The following PLA2G4A variants were observed in gnomAD, a reference collection of about 807,000 sequenced individuals.
PLA2G4A encodes the protein phospholipase A2 group IVA.
PLA2G4A carries 40 observed loss-of-function variants against 81.9 expected under a neutral mutation model. That is an observed-to-expected ratio of 0.49 (90% CI 0.38 to 0.64). PLA2G4A has a LOEUF of 0.64. Ranked by LOEUF, PLA2G4A falls within the 30% of genes least tolerant of loss-of-function variation. The probability of loss-of-function intolerance (pLI) is 0.00; values close to 1 mark genes in which losing one functional copy is unlikely to be tolerated. For missense variants in PLA2G4A, 715 were observed against 905.1 expected (o/e 0.79, Z 2.69); for synonymous variants, 302 against 296.9 (o/e 1.02, Z -0.18).
chr1:186,886,485 A>T (rs1653942333), intron 3 of PLA2G4A, among the ~76,000 whole-genome samples: 1 of 152,166 alleles, frequency 6.6e-6, no homozygotes, highest in South Asian at 2.1e-4. Flanking sequence ...CTCTGTGTGT[A>T]ATTAGCAATG....
chr1:186,884,968 T>C (rs749116324), intron 3 of PLA2G4A, among the ~76,000 whole-genome samples: 3 of 151,586 alleles, frequency 2.0e-5, no homozygotes, highest in Non-Finnish European at 4.4e-5. Context: ...GTTAGCTGCA[T>C]CTAGGTAGGT....
At chr1:186,970,701 CA>C (rs1232551538) in intron 15 of PLA2G4A, among the ~76,000 whole-genome samples, 3 of 151,830 alleles carry the variant, frequency 2.0e-5, no homozygotes, top group Non-Finnish European at 4.4e-5. Flanking sequence ...AACTTTGTTG[CA>C]AATGAGTTGA....
intron 2 of PLA2G4A, among the ~76,000 whole-genome samples, chr1:186,868,904 T>C (rs1054929511): frequency 6.6e-6 from 1 of 151,954 alleles, no homozygotes; most frequent in African/African-American, 2.4e-5. Flanking sequence ...TTAGTAGTTT[T>C]GTTCTCTCTC....
chr1:186,868,169 G>A lies in PLA2G4A; in HGVS notation c.34-2266G>A, dbSNP rs1314654643. 3.3e-5 allele frequency among the ~76,000 whole-genome samples: 5 copies of A among 150,646 alleles called. No individual in the cohort carries two copies. The South Asian group carries it at 1.0e-3, about 32-fold the overall frequency. Reference sequence around the variant, plus strand: ...TGCTTGCTGCAACCACTGCTGCCAGGGTTCAAGCAATTCTCTTGCTTCAGC... The same window carrying A: ...TGCTTGCTGCAACCACTGCTGCCAGAGTTCAAGCAATTCTCTTGCTTCAGC... On this transcript the variant is annotated intron_variant, in intron 2 of 17. Coordinates refer to ENST00000367466, the MANE Select transcript of PLA2G4A (RefSeq NM_024420.3).
At position 186,946,642 on chromosome 1, in the gene PLA2G4A, G is replaced by T. The variant is rs1458521841; in HGVS notation, c.1039G>T (p.Val347Phe). Residue 347 changes from valine to phenylalanine, a missense_variant, in exon 11 of 18, where the codon GTT becomes TTT. Val to Phe is a conservative substitution (Grantham distance 50, BLOSUM62 -1). Transcript: ENST00000367466. ...TGTTTTTAAAATACTTTCAGATTGG[G>T]TTGAATTTAGTCCATACGAAATTGG... ...DVSELMFADW[V>F]EFSPYEIGMA... 2 of 1,609,644 alleles carry T rather than the reference G, an allele frequency of 1.2e-6. No individual in the cohort carries two copies. The highest frequency in any genetic ancestry group is 1.7e-6 in the Non-Finnish European group (2 of 1,176,324).
Position 186,906,969 on chromosome 1 carries a change from C to T in PLA2G4A, c.383C>T (p.Thr128Ile), listed in dbSNP as rs1558423523. The change falls in exon 6 of 18, where the codon ACT becomes ATT. Residue 128 changes from threonine to isoleucine, a missense_variant. Thr to Ile is a moderately conservative substitution (Grantham distance 89). Coordinates refer to ENST00000367466, the MANE Select transcript of PLA2G4A (RefSeq NM_024420.3). Reference protein sequence around the residue: ...KEVPFIFNQVTEMVLEMSLEV... With the variant: ...KEVPFIFNQVIEMVLEMSLEV... The stretch of plus-strand genomic sequence containing the variant: ...GATTAACATGTCTTTTTTTAGGTCA[C>T]TGAAATGGTTCTAGAAATGTCTCTT... The T allele has an allele frequency of 6.7e-7, 1 of 1,500,228 alleles. No homozygotes were observed. The highest frequency in any genetic ancestry group is 9.3e-7 in the Non-Finnish European group (1 of 1,077,406). The allele number at this position is 1,500,228 out of a possible 1,614,324, so 92.9% of individuals were successfully genotyped here.
intron 3 of PLA2G4A, among the ~76,000 whole-genome samples, chr1:186,874,224 G>C (rs2102066326): frequency 6.6e-6 from 1 of 152,120 alleles, no homozygotes; most frequent in East Asian, 1.9e-4. Flanking sequence ...TTGCAGAATG[G>C]CTGCAGTGAG....
At chr1:186,922,122 C>T (rs1436949249) in intron 7 of PLA2G4A, among the ~76,000 whole-genome samples, 1 of 152,108 alleles carries the variant, frequency 6.6e-6, no homozygotes, top group African/African-American at 2.4e-5. Flanking sequence ...TTGTGCCTGA[C>T]CTGTGTTTCC....
chr1:186,870,292 A>G (rs1653210017), intron 2 of PLA2G4A, 143 bp from the exon 3 acceptor site: 1 of 687,194 alleles, frequency 1.5e-6, no homozygotes, highest in East Asian at 2.7e-5. Context: ...AAGAGAGTCA[A>G]AAAAGAAGCA....
In PLA2G4A at chr1:186,940,109, T is replaced by C. The variant is rs1196316513; in HGVS notation, c.1033+15T>C. On this transcript the variant is annotated intron_variant, in intron 10 of 17. Coordinates refer to ENST00000367466, the MANE Select transcript of PLA2G4A (RefSeq NM_024420.3). ...GATGTTTGCAGGTATGCTGTTTCCT[T>C]TCTCAGAACACTTCCTGGAACCTCT... 47 of 1,347,534 alleles carry C rather than the reference T, an allele frequency of 3.5e-5. No homozygotes were observed. Among genetic ancestry groups the C allele is most frequent in the Non-Finnish European group, 4.9e-5 (46 of 936,710 alleles). The allele number at this position is 1,347,534 out of a possible 1,614,324, so 83.5% of individuals were successfully genotyped here. A position where few individuals can be genotyped will look rare whatever the true frequency, so the allele number is the denominator to read the frequency against.
intron 17 of PLA2G4A, among the ~76,000 whole-genome samples, chr1:186,981,491 A>G (rs1657716363): frequency 6.6e-6 from 1 of 152,206 alleles, no homozygotes; most frequent in Non-Finnish European, 1.5e-5. Context: ...TATACACCTC[A>G]TCAAATGTTG....
At chr1:186,887,551 A>G (rs1355558479) in intron 3 of PLA2G4A, among the ~76,000 whole-genome samples, 1 of 152,144 alleles carries the variant, frequency 6.6e-6, no homozygotes, top group Non-Finnish European at 1.5e-5. Flanking sequence ...TTTAGATAAA[A>G]GGATGAGATG....
chr1:186,907,042 T>G, intron 6 of PLA2G4A, 40 bp downstream of exon 6: 2 of 1,050,278 alleles, frequency 1.9e-6, no homozygotes, highest in Non-Finnish European at 3.0e-6. Flanking sequence ...ATATTGTGAG[T>G]GATCCACTAA....
intron 15 of PLA2G4A, 130 bp from the exon 16 acceptor site, chr1:186,977,463 G>C: frequency 1.5e-6 from 1 of 671,230 alleles, no homozygotes; most frequent in South Asian, 1.7e-5. Context: ...GAACAGGGTC[G>C]TGATTCATCC....
At chr1:186,951,968 G>A (rs1015775517) in intron 13 of PLA2G4A, among the ~76,000 whole-genome samples, 16 of 152,246 alleles carry the variant, frequency 1.1e-4, no homozygotes, top group African/African-American at 3.9e-4. Context: ...TGATCATTAA[G>A]CAGGAACCCC....
Position 186,829,012 on chromosome 1 carries a change from A to C in PLA2G4A, c.-93A>C, listed in dbSNP as rs559714359. The C allele has an allele frequency of 6.6e-6, 1 of 152,192 alleles. No homozygotes were observed. Among genetic ancestry groups the C allele is most frequent in the African/African-American group, 2.4e-5 (1 of 41,448 alleles). 9.4% of individuals were successfully genotyped at this position (152,192 alleles called of 1,614,324 possible). ...AGGATCCTGACTGAAAGCTAGAGGC[A>C]TTGAGGAGCCTGAAGATTCTCAGGT... On this transcript the variant is annotated 5_prime_UTR_variant, in exon 1 of 18. Coordinates refer to ENST00000367466, the MANE Select transcript of PLA2G4A (RefSeq NM_024420.3).
intron 9 of PLA2G4A, 73 bp from the exon 10 acceptor site, chr1:186,939,907 A>G: frequency 2.6e-6 from 2 of 769,038 alleles, no homozygotes; most frequent in South Asian, 2.8e-5. Flanking sequence ...GATTGGAAGT[A>G]CTATTTTGAA....
intron 1 of PLA2G4A, among the ~76,000 whole-genome samples, chr1:186,842,382 G>A (rs1417486351): frequency 1.3e-5 from 2 of 152,004 alleles, no homozygotes; most frequent in African/African-American, 2.4e-5. Flanking sequence ...TTCTCTGGCC[G>A]ATTTTCTCCC....
Position 186,856,165 on chromosome 1 carries a change from T to C in PLA2G4A, c.33+1778T>C, listed in dbSNP as rs567127316. 3.9e-5 allele frequency among the ~76,000 whole-genome samples: 6 copies of C among 152,068 alleles called. No homozygotes were observed. In the East Asian group the frequency reaches 1.2e-3, roughly 29 times the overall value. ...TAATGATTCTACAGAGGAGAGATAA[T>C]ATGATAACAATATTGAGTCTTCCAA... On this transcript the variant is annotated intron_variant, in intron 2 of 17. Transcript: ENST00000367466.
Sources: allele counts gnomAD v4.1 joint callset (sites outside exome capture counted in the v4.1 genomes callset), GRCh38; gene constraint gnomAD v4.1.1; transcripts MANE v1.5; gene names NCBI Gene and HGNC (gene_info 2026-07-23, HGNC 2026-07-21).